Variants in PCDH15 observed in about 807,000 individuals in gnomAD.
The protein encoded by PCDH15 is protocadherin-15.
PCDH15 carries 129 observed loss-of-function variants against 178.5 expected under a neutral mutation model. That is an observed-to-expected ratio of 0.72 (90% confidence interval 0.63 to 0.84). PCDH15 has a LOEUF of 0.84. Among genes scored for constraint, PCDH15 ranks in the 40% least tolerant of loss-of-function variants. PCDH15 has a pLI of 0.00. For missense variants in PCDH15, 2,230 were observed against 2,099.9 expected (o/e 1.06, Z -1.21); for synonymous variants, 800 against 732.0 (o/e 1.09, Z -1.50).
chr10:54,674,193 T>C (rs2094736411), intron 1 of PCDH15, among the ~76,000 whole-genome samples: 1 of 152,188 alleles, frequency 6.6e-6, no homozygotes, highest in African/African-American at 2.4e-5. Flanking sequence ...ACTGCAACTG[T>C]TTCATTTACA....
At chr10:54,660,971 A>C (rs2094481130) in intron 2 of PCDH15, among the ~76,000 whole-genome samples, 1 of 152,110 alleles carries the variant, frequency 6.6e-6, no homozygotes, top group African/African-American at 2.4e-5. Context: ...GCAAAATAAT[A>C]AGAGCCGTCT....
At chr10:55,214,556 CTT>C (rs150207975) in intron 1 of PCDH15, among the ~76,000 whole-genome samples, 1 of 146,816 alleles carries the variant, frequency 6.8e-6, no homozygotes, top group Non-Finnish European at 1.5e-5. Flanking sequence ...GGTATTTATT[CTT>C]TTTTTTTTGT....
chr10:55,263,219 AC>A (rs1842193291), intron 1 of PCDH15, among the ~76,000 whole-genome samples: 1 of 152,076 alleles, frequency 6.6e-6, no homozygotes. Flanking sequence ...AACCATCCTA[AC>A]CGGTCTGGTA....
chr10:55,034,601 T>C (rs531874671), intron 2 of PCDH15, among the ~76,000 whole-genome samples: 3 of 152,272 alleles, frequency 2.0e-5, no homozygotes, highest in East Asian at 3.9e-4. Flanking sequence ...ATACAAAACA[T>C]GAATAGATCA....
intron 28 of PCDH15, among the ~76,000 whole-genome samples, chr10:53,855,112 C>T (rs1007171636): frequency 3.9e-5 from 6 of 151,966 alleles, no homozygotes; most frequent in African/African-American, 1.4e-4. Flanking sequence ...TAAAATGTAT[C>T]AAGTGTCTAC....
At chr10:54,008,451 G>A (rs4935488) in intron 20 of PCDH15, among the ~76,000 whole-genome samples, 1 of 151,876 alleles carries the variant, frequency 6.6e-6, no homozygotes, top group Admixed American at 6.6e-5. Context: ...AGAGGTATGA[G>A]GCCCAGATAC....
intron 1 of PCDH15, among the ~76,000 whole-genome samples, chr10:54,789,231 A>G (rs749125461): frequency 6.6e-6 from 1 of 151,912 alleles, no homozygotes; most frequent in Non-Finnish European, 1.5e-5. Context: ...AAGACATACT[A>G]TGTGTGAATG....
Position 53,982,821 on chromosome 10 carries a change from A to C in PCDH15, c.2868+12828T>G, listed in dbSNP as rs1475966324. Among the ~76,000 whole-genome samples, 2 of 151,152 alleles carry C rather than the reference A, an allele frequency of 1.3e-5. 1 individual carries two copies. Among genetic ancestry groups the C allele is most frequent in the African/African-American group, 4.9e-5 (2 of 41,146 alleles). On this transcript the variant is annotated intron_variant, in intron 21 of 37. Transcript: ENST00000644397. ...TGTACCCTAAAACTTAAAGTATAAT[A>C]ATAATAAAAAAATATAAAAAAAGAA...
At chr10:54,955,268 TAAGAGGAAAAG>T (rs1287063977) in intron 2 of PCDH15, among the ~76,000 whole-genome samples, 15 of 151,274 alleles carry the variant, frequency 9.9e-5, no homozygotes, top group Admixed American at 2.6e-4. Flanking sequence ...TTTATAGAAA[TAAGAGGAAAAG>T]AACTTTTGTT....
chr10:55,477,369 A>G (rs1408046974), intron 2 of PCDH15, among the ~76,000 whole-genome samples: 3 of 151,876 alleles, frequency 2.0e-5, no homozygotes, highest in Non-Finnish European at 4.4e-5. Flanking sequence ...CAAGCATACT[A>G]TTTGCATATG....
chr10:55,080,075 T>C (rs1428440346), intron 2 of PCDH15, among the ~76,000 whole-genome samples: 1 of 152,044 alleles, frequency 6.6e-6, no homozygotes, highest in African/African-American at 2.4e-5. Flanking sequence ...AGCAGTCCCA[T>C]GCAGGCATCT....
At chr10:54,497,487 C>T (rs960275477) in intron 3 of PCDH15, among the ~76,000 whole-genome samples, 25 of 152,114 alleles carry the variant, frequency 1.6e-4, no homozygotes, top group Middle Eastern at 3.4e-3. Flanking sequence ...TTTGGAATCT[C>T]GATGACATGT....
rs1025596082 is a variant in PCDH15 at position 53,945,865 on chromosome 10, A to G, written c.3123-4890T>C. Among the ~76,000 whole-genome samples, 10 of 138,622 alleles carry G rather than the reference A, an allele frequency of 7.2e-5. No homozygotes were observed. In the South Asian group the frequency reaches 2.0e-3, roughly 28 times the overall value. 90.9% of individuals were successfully genotyped at this position (138,622 alleles called of 152,430 possible). A position where few individuals can be genotyped will look rare whatever the true frequency, so the allele number is the denominator to read the frequency against. ...TATATATATATATATATATATATAT[A>G]TATATATATATATATATCACATTTT... On this transcript the variant is annotated intron_variant, in intron 23 of 37. Coordinates refer to ENST00000644397, the MANE Select transcript of PCDH15 (RefSeq NM_001384140.1).
At chr10:55,143,509 G>A (rs999014873) in intron 2 of PCDH15, among the ~76,000 whole-genome samples, 10 of 151,886 alleles carry the variant, frequency 6.6e-5, no homozygotes, top group Admixed American at 3.9e-4. Flanking sequence ...TAACTTTATC[G>A]TTTTCCTTTT....
chr10:54,365,386 A>G (rs1946642510), intron 5 of PCDH15, among the ~76,000 whole-genome samples: 2 of 152,162 alleles, frequency 1.3e-5, no homozygotes, highest in African/African-American at 4.8e-5. Context: ...AATATACTAT[A>G]GGTAACCCAT....
intron 3 of PCDH15, among the ~76,000 whole-genome samples, chr10:54,415,403 G>C (rs930001356): frequency 2.0e-5 from 3 of 151,790 alleles, no homozygotes; most frequent in Non-Finnish European, 4.4e-5. Context: ...ATCAGACAGA[G>C]AAGGAGGTAA....
rs535544956 is a variant in PCDH15, at chr10:55,235,239, G to A, written c.-155-68588C>T. Among the ~76,000 whole-genome samples the A allele has an allele frequency of 4.3e-4, 66 of 152,112 alleles. 1 individual carries two copies. The highest frequency in any genetic ancestry group is 2.1e-4 in the South Asian group (1 of 4,822). On this transcript the variant is annotated intron_variant, in intron 1 of 5. Coordinates refer to the PCDH15 transcript ENST00000458638. ...AGGACATGAAAGTCATTATAAAATG[G>A]ATAAATTTATGTTACCAGTTAGACT...
intron 15 of PCDH15, among the ~76,000 whole-genome samples, chr10:54,104,619 C>T (rs866547696): frequency 1.1e-4 from 17 of 151,946 alleles, no homozygotes; most frequent in African/African-American, 2.9e-4. Context: ...AGGCAGATTA[C>T]GAGGTCAGGA....
chr10:55,218,576 G>A (rs970399736), intron 1 of PCDH15, among the ~76,000 whole-genome samples: 1 of 152,028 alleles, frequency 6.6e-6, no homozygotes, highest in African/African-American at 2.4e-5. Flanking sequence ...TGGAGCACTT[G>A]ATCTACAGTT....
Sources: gnomAD v4.1 joint callset for allele counts (sites outside exome capture counted in the v4.1 genomes callset) on GRCh38, gnomAD v4.1.1 for gene constraint, MANE v1.5 for transcripts, NCBI Gene and HGNC (gene_info 2026-07-23, HGNC 2026-07-21) for gene names.